The following FGGY variants were observed in gnomAD, a reference collection of about 807,000 sequenced individuals.
The protein encoded by FGGY is FGGY carbohydrate kinase domain-containing protein.
Under a neutral mutation model 71.3 loss-of-function variants are expected in FGGY, and 72 were observed. The ratio of observed to expected loss-of-function variants is 1.01; its 90% CI spans 0.84 to 1.23. The LOEUF (loss-of-function observed/expected upper bound fraction) is 1.23. Among genes scored for constraint, FGGY ranks in the 50% most tolerant of loss-of-function variants. FGGY has a pLI of 0.00. For synonymous variants in FGGY, 251 were observed against 250.3 expected (o/e 1.00, Z -0.02); for missense variants, 668 against 682.3 (o/e 0.98, Z 0.23).
Position 59,380,743 on chromosome 1 carries a change from G to A in FGGY, c.554+1906G>A, listed in dbSNP as rs141955922. Among the ~76,000 whole-genome samples the A allele has an allele frequency of 5.6e-3, 852 of 151,614 alleles. 5 individuals carry two copies. The highest frequency in any genetic ancestry group is 8.4e-3 in the Non-Finnish European group (570 of 68,018). On this transcript the variant is annotated intron_variant, in intron 5 of 15. Transcript: ENST00000303721. ...AAAATTTTCTCCCATTCTGTAAGTTGCCTGTTCACTCTGATGGTAGTTTCT... is the reference window on the plus strand; with the variant it reads ...AAAATTTTCTCCCATTCTGTAAGTTACCTGTTCACTCTGATGGTAGTTTCT...
intron 11 of FGGY, among the ~76,000 whole-genome samples, chr1:59,650,738 G>GTCTCT (rs2097149941): frequency 1.5e-5 from 2 of 135,828 alleles, no homozygotes; most frequent in Admixed American, 7.2e-5. Context: ...GGTTTTTTGT[G>GTCTCT]TCTCTATTTC....
chr1:59,651,234 T>G (rs2097156869), intron 11 of FGGY, among the ~76,000 whole-genome samples: 1 of 152,212 alleles, frequency 6.6e-6, no homozygotes, highest in African/African-American at 2.4e-5. Context: ...TCTGTTGATT[T>G]GGGGGTGGAG....
chr1:59,723,013 G>T (rs971150329), intron 14 of FGGY, among the ~76,000 whole-genome samples: 1 of 152,088 alleles, frequency 6.6e-6, no homozygotes, highest in Non-Finnish European at 1.5e-5. Flanking sequence ...TAGCCAGGAT[G>T]GTCTCAATCT....
intron 7 of FGGY, among the ~76,000 whole-genome samples, chr1:59,521,938 A>G (rs2094845061): frequency 6.6e-6 from 1 of 152,240 alleles, no homozygotes; most frequent in Non-Finnish European, 1.5e-5. Flanking sequence ...TGTTGTCACA[A>G]TCTACAAAAA....
At chr1:59,623,143 C>G (rs536022899) in intron 9 of FGGY, among the ~76,000 whole-genome samples, 6 of 152,226 alleles carry the variant, frequency 3.9e-5, no homozygotes, top group African/African-American at 1.4e-4. Flanking sequence ...GCCTTATATT[C>G]CCATTGCCAA....
intron 8 of FGGY, among the ~76,000 whole-genome samples, chr1:59,563,407 G>T (rs1327376974): frequency 6.6e-6 from 1 of 152,086 alleles, no homozygotes; most frequent in Non-Finnish European, 1.5e-5. Flanking sequence ...ACCAATAATA[G>T]AGAGTCAAAT....
chr1:59,566,880 C>A (rs1191325278), intron 8 of FGGY, among the ~76,000 whole-genome samples: 1 of 152,140 alleles, frequency 6.6e-6, no homozygotes, highest in African/African-American at 2.4e-5. Context: ...AGGAGACTTA[C>A]TGCCCATTTT....
intron 9 of FGGY, among the ~76,000 whole-genome samples, chr1:59,612,254 G>C (rs369912056): frequency 6.6e-6 from 1 of 152,214 alleles, no homozygotes; most frequent in African/African-American, 2.4e-5. Flanking sequence ...GAGAAAGGTT[G>C]GGTTACCCAC....
At chr1:59,389,315 A>G (rs766665531) in intron 5 of FGGY, among the ~76,000 whole-genome samples, 16 of 152,336 alleles carry the variant, frequency 1.1e-4, no homozygotes, top group Non-Finnish European at 1.6e-4. Flanking sequence ...AAGTAGACTT[A>G]TATAGTATTT....
chr1:59,683,557 C>G (rs2097522460), intron 14 of FGGY, among the ~76,000 whole-genome samples: 3 of 152,192 alleles, frequency 2.0e-5, no homozygotes, highest in Admixed American at 6.5e-5. Context: ...CCCAGCCAGC[C>G]AGGTCAGAGA....
intron 5 of FGGY, among the ~76,000 whole-genome samples, chr1:59,422,377 G>C (rs114084868): frequency 0.012 from 1,836 of 152,232 alleles, 40 homozygotes; most frequent in African/African-American, 0.042. Context: ...TTTTTTGTTG[G>C]TGTTATTGTT....
intron 6 of FGGY, among the ~76,000 whole-genome samples, chr1:59,472,178 G>C (rs913846453): frequency 6.6e-6 from 1 of 152,228 alleles, no homozygotes; most frequent in South Asian, 2.1e-4. Flanking sequence ...GCGGGCCAGC[G>C]TGAGTTCCGG....
At chr1:59,715,515 A>G (rs900866990) in intron 14 of FGGY, among the ~76,000 whole-genome samples, 1 of 152,218 alleles carries the variant, frequency 6.6e-6, no homozygotes, top group African/African-American at 2.4e-5. Flanking sequence ...CTTGGTTCTA[A>G]TACAAACTTT....
At chr1:59,417,103 C>T (rs667409) in intron 5 of FGGY, among the ~76,000 whole-genome samples, 5,489 of 152,246 alleles carry the variant, frequency 0.036, 293 homozygotes, top group African/African-American at 0.12. Context: ...ATCTCATATC[C>T]GTAGCAGTAA....
At chr1:59,756,732 G>A (rs2098294926) in intron 14 of FGGY, among the ~76,000 whole-genome samples, 2 of 152,138 alleles carry the variant, frequency 1.3e-5, no homozygotes, top group African/African-American at 2.4e-5. Flanking sequence ...AGTGGAGAAG[G>A]CAGACAACGA....
chr1:59,474,715 C>T (rs530092121), intron 6 of FGGY, among the ~76,000 whole-genome samples: 29 of 152,292 alleles, frequency 1.9e-4, no homozygotes, highest in African/African-American at 6.7e-4. Context: ...GATCTAGGAA[C>T]ACACTGATCA....
At chr1:59,482,395 G>A (rs911528151) in intron 6 of FGGY, among the ~76,000 whole-genome samples, 15 of 152,000 alleles carry the variant, frequency 9.9e-5, no homozygotes, top group African/African-American at 3.6e-4. Flanking sequence ...ACAATTATAT[G>A]AATCATGGAC....
At chr1:59,731,035 G>A (rs1358852213) in intron 14 of FGGY, among the ~76,000 whole-genome samples, 4 of 152,186 alleles carry the variant, frequency 2.6e-5, no homozygotes, top group Admixed American at 6.5e-5. Context: ...GGAGCAAGTC[G>A]GCTTGAGGCC....
rs183758172 is a variant in FGGY, at chr1:59,409,557, C to G, written c.554+30720C>G. On this transcript the variant is annotated intron_variant, in intron 5 of 15. Coordinates refer to ENST00000303721, the MANE Select transcript of FGGY (RefSeq NM_018291.5). ...AGCACTACTGAAAGGACTTTCATACCTCAACTAACCCTTATTGCAAGCCTG... is the reference window on the plus strand; with the variant it reads ...AGCACTACTGAAAGGACTTTCATACGTCAACTAACCCTTATTGCAAGCCTG... 5.7e-3 allele frequency among the ~76,000 whole-genome samples: 854 copies of G among 150,624 alleles called. 18 individuals are homozygous for G. The highest frequency in any genetic ancestry group is 0.02 in the African/African-American group (803 of 40,374).
Sources: gnomAD v4.1 joint callset for allele counts (sites outside exome capture counted in the v4.1 genomes callset) on GRCh38, gnomAD v4.1.1 for gene constraint, MANE v1.5 for transcripts, NCBI Gene and HGNC (gene_info 2026-07-23, HGNC 2026-07-21) for gene names.